Variants in CTNNA3 observed in about 807,000 individuals in gnomAD.
The protein encoded by CTNNA3 is catenin alpha-3.
In CTNNA3, 76 loss-of-function variants were observed where a neutral mutation model predicts 95.7. The observed-to-expected ratio is 0.79, with a 90% CI of 0.66 to 0.96. CTNNA3 has a LOEUF of 0.96. CTNNA3 is among the 40% of genes least tolerant of loss of function. The probability of loss-of-function intolerance (pLI) is 0.00; values close to 1 mark genes in which losing one functional copy is unlikely to be tolerated. For synonymous variants in CTNNA3, 431 were observed against 374.4 expected, an observed-to-expected ratio of 1.15 and a Z score of -1.74; for missense variants, 1,191 against 1,089.8, an observed-to-expected ratio of 1.09 and a Z score of -1.31.
At position 67,303,448 on chromosome 10, in the gene CTNNA3, G is replaced by A. The variant is rs543310761; in HGVS notation, c.580-83578C>T. 4.6e-5 allele frequency among the ~76,000 whole-genome samples: 7 copies of A among 152,348 alleles called. No homozygotes were observed. The South Asian group carries it at 1.2e-3, about 27-fold the overall frequency. On this transcript the variant is annotated intron_variant, in intron 5 of 17. Coordinates refer to ENST00000433211, the MANE Select transcript of CTNNA3 (RefSeq NM_013266.4). ...CATTACAGCCTTCCAGGCTGAAGAAGAAAGATGTATCTGAAGGAACAAATA... is the reference window on the plus strand; with the variant it reads ...CATTACAGCCTTCCAGGCTGAAGAAAAAAGATGTATCTGAAGGAACAAATA...
chr10:66,681,171 T>C (rs1564614508), intron 9 of CTNNA3, among the ~76,000 whole-genome samples: 2 of 152,212 alleles, frequency 1.3e-5, no homozygotes, highest in Non-Finnish European at 2.9e-5. Context: ...ATAAGAGTGC[T>C]TTCTAGAAGA....
chr10:67,486,618 T>C (rs1032227238), intron 5 of CTNNA3, among the ~76,000 whole-genome samples: 2 of 152,148 alleles, frequency 1.3e-5, no homozygotes, highest in Admixed American at 6.5e-5. Context: ...TAAAAGTATT[T>C]CAAGGATTAC....
intron 14 of CTNNA3, among the ~76,000 whole-genome samples, chr10:66,082,887 C>T (rs769604661): frequency 6.6e-6 from 1 of 152,056 alleles, no homozygotes; most frequent in Non-Finnish European, 1.5e-5. Flanking sequence ...TGTGTGTTCT[C>T]CTGCAGCAAA....
Position 67,286,907 on chromosome 10 carries a change from T to C in CTNNA3, c.580-67037A>G, listed in dbSNP as rs142245628. ...CTGAGAATTATTTCTGCTTTGACTT[T>C]GCAGCTCTACTGAAAGAAACCCTTA... On this transcript the variant is annotated intron_variant, in intron 5 of 17. Coordinates refer to ENST00000433211, the MANE Select transcript of CTNNA3 (RefSeq NM_013266.4). Among the ~76,000 whole-genome samples, 12 of 152,330 alleles carry C rather than the reference T, an allele frequency of 7.9e-5. No homozygotes were observed. The East Asian group carries it at 1.7e-3, about 22-fold the overall frequency.
intron 13 of CTNNA3, among the ~76,000 whole-genome samples, chr10:66,268,893 A>G (rs2091216622): frequency 6.6e-6 from 1 of 152,184 alleles, no homozygotes; most frequent in Non-Finnish European, 1.5e-5. Context: ...ACAAGATTGA[A>G]AGATACTGAA....
At chr10:67,478,339 T>C (rs922438785) in intron 5 of CTNNA3, among the ~76,000 whole-genome samples, 2 of 152,112 alleles carry the variant, frequency 1.3e-5, no homozygotes, top group African/African-American at 2.4e-5. Flanking sequence ...GTCCGGTGAC[T>C]ACTCAAGGTC....
At chr10:67,628,578 G>A (rs1337909883) in intron 2 of CTNNA3, among the ~76,000 whole-genome samples, 1 of 152,014 alleles carries the variant, frequency 6.6e-6, no homozygotes, top group South Asian at 2.1e-4. Flanking sequence ...AACAGGTTTA[G>A]TTTATATATT....
intron 10 of CTNNA3, among the ~76,000 whole-genome samples, chr10:66,583,033 G>C (rs1372000711): frequency 6.6e-6 from 1 of 151,820 alleles, no homozygotes; most frequent in South Asian, 2.1e-4. Flanking sequence ...TGTTGGATTT[G>C]GTTTGCTACT....
At chr10:66,138,554 C>A (rs2083462536) in intron 13 of CTNNA3, among the ~76,000 whole-genome samples, 1 of 152,124 alleles carries the variant, frequency 6.6e-6, no homozygotes, top group Non-Finnish European at 1.5e-5. Context: ...TTGGGCTGGG[C>A]GCAGTGGCTC....
At chr10:66,212,061 C>T (rs1237677474) in intron 13 of CTNNA3, among the ~76,000 whole-genome samples, 2 of 141,302 alleles carry the variant, frequency 1.4e-5, no homozygotes, top group Non-Finnish European at 3.0e-5. Flanking sequence ...GCGATCTCAG[C>T]TCGTTGCAAC....
intron 7 of CTNNA3, among the ~76,000 whole-genome samples, chr10:67,069,557 G>GGC (rs1856310763): frequency 1.0e-5 from 1 of 96,342 alleles, no homozygotes; most frequent in African/African-American, 3.9e-5. Context: ...ACAGCAGCCC[G>GGC]CCCCACCCCA....
intron 1 of CTNNA3, among the ~76,000 whole-genome samples, chr10:67,756,237 G>T (rs967900407): frequency 6.6e-6 from 1 of 152,100 alleles, no homozygotes. Context: ...TTTAATAGAA[G>T]AACTAAGACC....
At chr10:67,141,373 C>T (rs1317798530) in intron 7 of CTNNA3, among the ~76,000 whole-genome samples, 1 of 152,030 alleles carries the variant, frequency 6.6e-6, no homozygotes, top group Non-Finnish European at 1.5e-5. Flanking sequence ...CCAACCAAAG[C>T]AAGTTTTGTC....
Position 67,576,900 on chromosome 10 carries a change from G to A in CTNNA3, c.292+29957C>T, listed in dbSNP as rs1842176792. 2.2e-5 allele frequency among the ~76,000 whole-genome samples: 2 copies of A among 89,862 alleles called. 1 individual carries two copies. 59.0% of individuals were successfully genotyped at this position (89,862 alleles called of 152,430 possible). On this transcript the variant is annotated intron_variant, in intron 3 of 17. Transcript: ENST00000433211. The stretch of plus-strand genomic sequence containing the variant: ...GACATGAACTCATCTTTCTTATGGT[G>A]TCATAGTATTCCATGGTGTATATGT...
intron 11 of CTNNA3, among the ~76,000 whole-genome samples, chr10:66,419,846 T>C (rs1176009947): frequency 6.6e-6 from 1 of 152,114 alleles, no homozygotes; most frequent in Non-Finnish European, 1.5e-5. Context: ...GGCAAAAGAA[T>C]GAAACTGAAC....
chr10:67,506,729 T>G (rs1236101872), intron 5 of CTNNA3, among the ~76,000 whole-genome samples: 1 of 152,186 alleles, frequency 6.6e-6, no homozygotes, highest in Non-Finnish European at 1.5e-5. Context: ...TAACAGTCAT[T>G]GTGATGTCTT....
chr10:66,341,965 A>G lies in CTNNA3; in HGVS notation c.1732+37187T>C, dbSNP rs147514554. 9.5e-3 allele frequency among the ~76,000 whole-genome samples: 1,424 copies of G among 150,380 alleles called. 21 individuals carry two copies. Among genetic ancestry groups the G allele is most frequent in the African/African-American group, 0.031 (1,252 of 41,046 alleles). On this transcript the variant is annotated intron_variant, in intron 12 of 17. Coordinates refer to ENST00000433211, the MANE Select transcript of CTNNA3 (RefSeq NM_013266.4). ...GGCATCATTATGTGTGTGTGTGTAT[A>G]TATATATATATATTCACATATATAT...
At chr10:67,172,572 T>A (rs180724847) in intron 7 of CTNNA3, among the ~76,000 whole-genome samples, 60 of 152,304 alleles carry the variant, frequency 3.9e-4, no homozygotes, top group East Asian at 3.5e-3. Context: ...ACTATAGTCA[T>A]ATAGTCATAT....
chr10:67,184,581 A>C (rs1179850762), intron 6 of CTNNA3, among the ~76,000 whole-genome samples: 2 of 152,180 alleles, frequency 1.3e-5, no homozygotes, highest in Non-Finnish European at 2.9e-5. Flanking sequence ...GTTAATTGTC[A>C]GTCCTTTTCA....
Sources: gnomAD v4.1 joint callset for allele counts (sites outside exome capture counted in the v4.1 genomes callset) on GRCh38, gnomAD v4.1.1 for gene constraint, MANE v1.5 for transcripts, NCBI Gene and HGNC (gene_info 2026-07-23, HGNC 2026-07-21) for gene names.